The following SETD4 variants were observed in gnomAD, a reference collection of about 807,000 sequenced individuals.
SETD4 encodes SET domain-containing protein 4.
In SETD4, 46 loss-of-function variants were observed where a neutral mutation model predicts 58.3. That is an observed-to-expected ratio of 0.79 (90% CI 0.62 to 1.01). The LOEUF (loss-of-function observed/expected upper bound fraction) is 1.01, where lower values mean the gene tolerates loss of function less well. SETD4 is among the 50% of genes least tolerant of loss of function. SETD4 has a pLI of 0.00. For synonymous variants in SETD4, 190 were observed against 202.6 expected (o/e 0.94, Z 0.53); for missense variants, 490 against 523.3 (o/e 0.94, Z 0.62).
chr21:36,049,398 T>C (rs910134667), intron 4 of SETD4, among the ~76,000 whole-genome samples: 6 of 151,992 alleles, frequency 3.9e-5, no homozygotes, highest in Admixed American at 2.0e-4. Flanking sequence ...CTACTAAAAA[T>C]ACAAAAATTA....
At chr21:36,039,940 AGAGGTTCTCCCT>A (rs991410339) in intron 9 of SETD4, among the ~76,000 whole-genome samples, 55 of 152,356 alleles carry the variant, frequency 3.6e-4, no homozygotes, top group African/African-American at 1.3e-3. Context: ...ACCATCTTCA[AGAGGTTCTCCCT>A]GGATATCTAG....
At position 36,045,812 on chromosome 21, in the gene SETD4, C is replaced by G. The variant is rs759304062; in HGVS notation, c.496G>C (p.Val166Leu). The G allele has an allele frequency of 3.1e-6, 5 of 1,614,070 alleles. No homozygotes were observed. Among genetic ancestry groups the G allele is most frequent in the Non-Finnish European group, 4.2e-6 (5 of 1,180,052 alleles). ...CTGGAGGAAGCAAAGAACTCCTGCA[C>G]GTGGGCTCTCTGCTCTTCAGCCTTT... Reference protein sequence around the residue: ...KAKAEEQRAHVQEFFASSRDF... With the variant: ...KAKAEEQRAHLQEFFASSRDF... Residue 166 changes from valine (V) to leucine (L), a missense_variant, in exon 6 of 12, where the codon GTG becomes CTG. Val to Leu is a conservative substitution (Grantham distance 32, BLOSUM62 1). Coordinates refer to ENST00000332131, the MANE Select transcript of SETD4 (RefSeq NM_017438.5).
intron 4 of SETD4, chr21:36,051,409 T>A: frequency 6.8e-7 from 1 of 1,462,854 alleles, no homozygotes. Flanking sequence ...AAAACCCTTG[T>A]AAAACTTTCT....
At position 36,038,398 on chromosome 21, in the gene SETD4, A is replaced by G. The variant is rs115713098; in HGVS notation, c.1065-125T>C. 2,021 of 1,211,392 alleles carry G rather than the reference A, an allele frequency of 1.7e-3. 26 individuals carry two copies. The African/African-American group carries it at 0.027, about 16-fold the overall frequency. The allele number at this position is 1,211,392 out of a possible 1,614,324, so 75.0% of individuals were successfully genotyped here. ...GGAGCATAATACAACTCATTCCATA[A>G]GCAGATTCCCCAAACCTCCATGCCA... On this transcript the variant is annotated intron_variant, in intron 9 of 11. Transcript: ENST00000332131.
At chr21:36,041,959 C>T in intron 7 of SETD4, 71 bp from the exon 8 acceptor site, 2 of 767,380 alleles carry the variant, frequency 2.6e-6, no homozygotes, top group Non-Finnish European at 4.1e-6. Context: ...CTTCCCTTCT[C>T]AACTCACTTC....
At chr21:36,043,986 T>C (rs1318686804) in intron 6 of SETD4, 30 bp from the exon 7 acceptor site, 3 of 1,606,566 alleles carry the variant, frequency 1.9e-6, no homozygotes, top group Non-Finnish European at 2.6e-6. Flanking sequence ...AGGTATTTTT[T>C]AAAGTAAGGT....
intron 3 of SETD4, 146 bp from the exon 4 acceptor site, chr21:36,053,766 CAG>C: frequency 1.3e-6 from 1 of 776,402 alleles, no homozygotes; most frequent in Non-Finnish European, 2.1e-6. Context: ...CCAGGGGAAA[CAG>C]GGAGTCAGAA....
chr21:36,059,903 C>T (rs2065203817), intron 1 of SETD4: 5 of 985,406 alleles, frequency 5.1e-6, no homozygotes, highest in Non-Finnish European at 6.0e-6. Context: ...CCACAGACCG[C>T]GCCGGGAAGT....
chr21:36,045,093 T>C (rs754842215), intron 6 of SETD4, among the ~76,000 whole-genome samples: 17 of 152,342 alleles, frequency 1.1e-4, no homozygotes, highest in Non-Finnish European at 2.5e-4. Flanking sequence ...GGCCCTGCCA[T>C]GAGCACTGAG....
At chr21:36,053,347 T>G (rs2064811747) in intron 4 of SETD4, 1 of 571,532 alleles carries the variant, frequency 1.7e-6, no homozygotes, top group Non-Finnish European at 3.1e-6. Context: ...ACTCCAAGCT[T>G]GTTTCTATGA....
At position 36,035,936 on chromosome 21, in the gene SETD4, T is replaced by G; in HGVS notation, c.*57A>C. 1.3e-6 allele frequency: 1 copy of G among 781,252 alleles called. No homozygotes were observed. Among genetic ancestry groups the G allele is most frequent in the Non-Finnish European group, 2.0e-6 (1 of 491,040 alleles). The allele number at this position is 781,252 out of a possible 1,614,324, so 48.4% of individuals were successfully genotyped here. On this transcript the variant is annotated 3_prime_UTR_variant, in exon 12 of 12. Coordinates refer to ENST00000332131, the MANE Select transcript of SETD4 (RefSeq NM_017438.5). ...CAGCCACCACCCCAGCCCATGATGA[T>G]GCTCTTCAAAATTAACTTTTGTTTC...
At chr21:36,060,106 C>G (rs949682074) in intron 1 of SETD4, 15 of 985,536 alleles carry the variant, frequency 1.5e-5, no homozygotes, top group African/African-American at 1.7e-5. Context: ...GAGCATCGGA[C>G]CTCGGGCCTC....
chr21:36,057,794 G>C (rs1468849114), intron 2 of SETD4, among the ~76,000 whole-genome samples: 1 of 152,182 alleles, frequency 6.6e-6, no homozygotes, highest in Non-Finnish European at 1.5e-5. Flanking sequence ...AATAGGAAGA[G>C]GTCCACACGT....
intron 4 of SETD4, among the ~76,000 whole-genome samples, chr21:36,052,437 A>G (rs1408871118): frequency 6.6e-6 from 1 of 151,256 alleles, no homozygotes; most frequent in Non-Finnish European, 1.5e-5. Flanking sequence ...CATGCCTGTA[A>G]TTTCAGCTAC....
intron 3 of SETD4, 116 bp downstream of exon 3, chr21:36,056,993 C>T (rs1568940319): frequency 1.3e-6 from 1 of 788,434 alleles, no homozygotes. Flanking sequence ...CCAAGGGGAA[C>T]ACATGCAAAC....
chr21:36,053,395 T>C (rs977829251), intron 4 of SETD4, 188 bp downstream of exon 4: 2 of 640,422 alleles, frequency 3.1e-6, no homozygotes, highest in Admixed American at 5.6e-5. Context: ...CTTAAGCACC[T>C]CAATTTTGGG....
intron 5 of SETD4, 129 bp from the exon 6 acceptor site, chr21:36,046,140 C>G: frequency 1.0e-6 from 1 of 967,456 alleles, no homozygotes; most frequent in Non-Finnish European, 1.5e-6. Context: ...TTAACAGACT[C>G]AAGAGTTCCT....
At chr21:36,060,140 C>G in intron 1 of SETD4, 1 of 985,460 alleles carries the variant, frequency 1.0e-6, no homozygotes, top group Non-Finnish European at 1.2e-6. Flanking sequence ...TTACGCAGCG[C>G]GCCGGAGCAA....
intron 4 of SETD4, chr21:36,051,148 A>T: frequency 6.5e-7 from 1 of 1,529,444 alleles, no homozygotes; most frequent in Non-Finnish European, 9.1e-7. Context: ...CCCTCTGGCC[A>T]GCTCACCCAG....
Sources: allele counts gnomAD v4.1 joint callset (sites outside exome capture counted in the v4.1 genomes callset), GRCh38; gene constraint gnomAD v4.1.1; transcripts MANE v1.5; gene names NCBI Gene and HGNC (gene_info 2026-07-23, HGNC 2026-07-21).